Variants in SRPK2 observed in about 807,000 individuals in gnomAD.
SRPK2 encodes SFRS protein kinase 2.
In SRPK2, 21 loss-of-function variants were observed where a neutral mutation model predicts 90.8. That is an observed-to-expected ratio of 0.23 (90% CI 0.16 to 0.33). SRPK2 has a LOEUF of 0.33. SRPK2 is among the 10% of genes least tolerant of loss of function. SRPK2 has a pLI of 1.00. For missense variants in SRPK2, 620 were observed against 869.0 expected (o/e 0.71, Z 3.60); for synonymous variants, 288 against 311.1 (o/e 0.93, Z 0.78).
At chr7:105,253,893 TTAAA>T (rs1188033952) in intron 2 of SRPK2, among the ~76,000 whole-genome samples, 7 of 87,048 alleles carry the variant, frequency 8.0e-5, no homozygotes, top group Non-Finnish European at 1.4e-4. Context: ...CATCTTTATT[TTAAA>T]AAAAAACAAA....
chr7:105,195,418 C>T (rs1291714237), intron 3 of SRPK2, among the ~76,000 whole-genome samples: 2 of 152,232 alleles, frequency 1.3e-5, no homozygotes, highest in African/African-American at 2.4e-5. Flanking sequence ...TGCTTTCTTT[C>T]GGTTTTCTGT....
At chr7:105,298,156 T>C (rs747625636) in intron 2 of SRPK2, among the ~76,000 whole-genome samples, 6 of 152,176 alleles carry the variant, frequency 3.9e-5, no homozygotes, top group Non-Finnish European at 8.8e-5. Context: ...ACTCAAAAAA[T>C]TCCCCATTGC....
intron 3 of SRPK2, among the ~76,000 whole-genome samples, chr7:105,193,207 T>G (rs575825779): frequency 6.6e-6 from 1 of 152,344 alleles, no homozygotes; most frequent in East Asian, 1.9e-4. Context: ...CATCTTGAGT[T>G]GATTTTTGTT....
At chr7:105,131,538 G>A (rs1802002359) in intron 13 of SRPK2, among the ~76,000 whole-genome samples, 1 of 152,138 alleles carries the variant, frequency 6.6e-6, no homozygotes, top group Admixed American at 6.5e-5. Context: ...GGAATAGAAA[G>A]GCCTGGTGTT....
intron 2 of SRPK2, among the ~76,000 whole-genome samples, chr7:105,241,737 C>G (rs375232333): frequency 6.6e-6 from 1 of 152,122 alleles, no homozygotes; most frequent in Non-Finnish European, 1.5e-5. Context: ...GCAGGAAGAT[C>G]GAGTCAGACG....
chr7:105,340,255 C>T (rs1320011325), intron 2 of SRPK2, among the ~76,000 whole-genome samples: 1 of 117,996 alleles, frequency 8.5e-6, no homozygotes, highest in African/African-American at 2.8e-5. Flanking sequence ...CCACAAAATA[C>T]AATGACTATT....
In SRPK2 at chr7:105,117,724, G is replaced by A. The variant is rs1584834027; in HGVS notation, c.*114C>T. ...CAACAGTACCTCAAAGCAAAATAAAGGTCTGAGGATGAAGCCAGCTCACTT... is the reference window on the plus strand; with the variant it reads ...CAACAGTACCTCAAAGCAAAATAAAAGTCTGAGGATGAAGCCAGCTCACTT... On this transcript the variant is annotated 3_prime_UTR_variant, in exon 16 of 16. Transcript: ENST00000393651. 2 of 1,173,104 alleles carry A rather than the reference G, an allele frequency of 1.7e-6. No homozygotes were observed. The highest frequency in any genetic ancestry group is 2.5e-5 in the East Asian group (1 of 39,266). The allele number at this position is 1,173,104 out of a possible 1,614,324, so 72.7% of individuals were successfully genotyped here.
chr7:105,145,726 T>G (rs1804518316), intron 8 of SRPK2, among the ~76,000 whole-genome samples: 1 of 152,196 alleles, frequency 6.6e-6, no homozygotes, highest in African/African-American at 2.4e-5. Flanking sequence ...CTTTCTATAA[T>G]TTAAATCAAA....
At chr7:105,231,899 C>T (rs913272755) in intron 2 of SRPK2, among the ~76,000 whole-genome samples, 2 of 152,166 alleles carry the variant, frequency 1.3e-5, no homozygotes, top group African/African-American at 4.8e-5. Context: ...ACTCTGTCAC[C>T]TAGTCTGGAG....
chr7:105,223,215 C>G (rs750372633), intron 2 of SRPK2, among the ~76,000 whole-genome samples: 1 of 152,212 alleles, frequency 6.6e-6, no homozygotes, highest in Non-Finnish European at 1.5e-5. Flanking sequence ...ATCTCTTCAG[C>G]TGAAAAAAGC....
intron 2 of SRPK2, among the ~76,000 whole-genome samples, chr7:105,210,305 T>C (rs1042342014): frequency 1.3e-5 from 2 of 152,150 alleles, no homozygotes; most frequent in African/African-American, 4.8e-5. Flanking sequence ...TTGAGGGACA[T>C]TCACATAAAG....
chr7:105,331,006 G>C (rs1310214695), intron 2 of SRPK2, among the ~76,000 whole-genome samples: 1 of 146,182 alleles, frequency 6.8e-6, no homozygotes, highest in Non-Finnish European at 1.5e-5. Context: ...TTAATTAAAA[G>C]AAAAAAAAAA....
chr7:105,178,258 C>T (rs1234858382), intron 3 of SRPK2, among the ~76,000 whole-genome samples: 1 of 152,028 alleles, frequency 6.6e-6, no homozygotes, highest in African/African-American at 2.4e-5. Flanking sequence ...AGACTAAGGA[C>T]GTTTTTAAAA....
intron 5 of SRPK2, among the ~76,000 whole-genome samples, 157 bp from the exon 6 acceptor site, chr7:105,167,621 TA>T (rs1790247086): frequency 6.6e-6 from 1 of 152,278 alleles, no homozygotes; most frequent in Admixed American, 6.5e-5. Flanking sequence ...TTTATTTATT[TA>T]TTTTTTGAGA....
chr7:105,322,041 C>T (rs1812995799), intron 2 of SRPK2, among the ~76,000 whole-genome samples: 1 of 152,074 alleles, frequency 6.6e-6, no homozygotes, highest in African/African-American at 2.4e-5. Flanking sequence ...TGAAAACAAC[C>T]CAAATGTCTA....
chr7:105,149,142 A>G (rs962020842), intron 7 of SRPK2, among the ~76,000 whole-genome samples: 3 of 152,188 alleles, frequency 2.0e-5, no homozygotes, highest in Non-Finnish European at 2.9e-5. Context: ...CAGTTGAGAT[A>G]GAGGAAGGCC....
Position 105,351,590 on chromosome 7 carries a change from G to A in SRPK2, c.71+37058C>T, listed in dbSNP as rs867022708. On this transcript the variant is annotated intron_variant, in intron 2 of 15. Transcript: ENST00000393651. The stretch of plus-strand genomic sequence containing the variant: ...GGCCGAGGCAGGAGGATCACCTGAG[G>A]TCAGGAGTTTAAGACCAGCCTTGCC... Among the ~76,000 whole-genome samples, 16 of 152,066 alleles carry A rather than the reference G, an allele frequency of 1.1e-4. No individual in the cohort carries two copies. In the South Asian group the frequency reaches 1.7e-3, roughly 16 times the overall value.
chr7:105,127,383 A>T (rs568873667), intron 13 of SRPK2, among the ~76,000 whole-genome samples: 1 of 152,326 alleles, frequency 6.6e-6, no homozygotes, highest in South Asian at 2.1e-4. Flanking sequence ...TGGTAGAACG[A>T]GAGTTCAACC....
chr7:105,288,988 G>A (rs947500697), intron 2 of SRPK2, among the ~76,000 whole-genome samples: 2 of 151,906 alleles, frequency 1.3e-5, no homozygotes, highest in Non-Finnish European at 2.9e-5. Flanking sequence ...CAGGTGCGGA[G>A]GCTCACGCCT....
Sources: gnomAD v4.1 joint callset for allele counts (sites outside exome capture counted in the v4.1 genomes callset) on GRCh38, gnomAD v4.1.1 for gene constraint, MANE v1.5 for transcripts, NCBI Gene and HGNC (gene_info 2026-07-23, HGNC 2026-07-21) for gene names.